The following SERP2 variants were observed in gnomAD, a reference collection of about 807,000 sequenced individuals.
The protein encoded by SERP2 is stress-associated endoplasmic reticulum protein 2.
SERP2 carries 6 observed loss-of-function variants against 9.1 expected under a neutral mutation model. The observed-to-expected ratio is 0.66, with a 90% CI of 0.36 to 1.30. The LOEUF is 1.30. SERP2 is among the 50% of genes most tolerant of loss of function. SERP2 has a pLI of 0.03. For missense variants in SERP2, 58 were observed against 81.9 expected, an observed-to-expected ratio of 0.71 and a Z score of 1.13; for synonymous variants, 37 against 27.3, an observed-to-expected ratio of 1.35 and a Z score of -1.10.
In SERP2 at chr13:44,397,368, A is replaced by G; in HGVS notation, c.*56A>G. 1 of 1,373,792 alleles carries G rather than the reference A, an allele frequency of 7.3e-7. No homozygotes were observed. Among genetic ancestry groups the G allele is most frequent in the South Asian group, 1.2e-5 (1 of 86,414 alleles). 85.1% of individuals were successfully genotyped at this position (1,373,792 alleles called of 1,614,324 possible). Reference sequence around the variant, plus strand: ...CCACTGGAGGCGGGAGGACAACGGAAGCGGTCAGCCAGTTTCTGCGGGAAA... The same window carrying G: ...CCACTGGAGGCGGGAGGACAACGGAGGCGGTCAGCCAGTTTCTGCGGGAAA... On this transcript the variant is annotated 3_prime_UTR_variant, in exon 3 of 3. Transcript: ENST00000379179.
intron 2 of SERP2, among the ~76,000 whole-genome samples, chr13:44,381,989 A>AGAAT (rs1555258855): frequency 6.8e-6 from 1 of 147,592 alleles, no homozygotes; most frequent in Non-Finnish European, 1.5e-5. Flanking sequence ...GTTAGTGCTT[A>AGAAT]GGATGGATGG....
At chr13:44,374,256 G>A in intron 1 of SERP2, 147 bp downstream of exon 1, 1 of 529,762 alleles carries the variant, frequency 1.9e-6, no homozygotes, top group East Asian at 3.8e-5. Context: ...GCAGAGTGGG[G>A]GCTGAGAGCT....
At chr13:44,391,662 G>A (rs1473892551) in intron 2 of SERP2, among the ~76,000 whole-genome samples, 1 of 152,144 alleles carries the variant, frequency 6.6e-6, no homozygotes, top group Non-Finnish European at 1.5e-5. Context: ...CCCTGGACCG[G>A]CATCTCAACA....
Position 44,376,815 on chromosome 13 carries a change from G to T in SERP2, c.84+2706G>T, listed in dbSNP as rs2038849. 5.7e-3 allele frequency among the ~76,000 whole-genome samples: 865 copies of T among 152,186 alleles called. 22 individuals carry two copies. Among genetic ancestry groups the T allele is most frequent in the Admixed American group, 0.036 (543 of 15,286 alleles). ...CAGAGAAATGGAATAATCATTTTGT[G>T]ATTATACAGTAGTAACTTCTCCAGA... On this transcript the variant is annotated intron_variant, in intron 1 of 2. Coordinates refer to ENST00000379179, the MANE Select transcript of SERP2 (RefSeq NM_001010897.3).
At position 44,382,151 on chromosome 13, in the gene SERP2, A is replaced by T. The variant is rs1219953596; in HGVS notation, c.157+2438A>T. 2.0e-5 allele frequency among the ~76,000 whole-genome samples: 3 copies of T among 151,936 alleles called. No individual in the cohort carries two copies. In the East Asian group the frequency reaches 5.8e-4, roughly 29 times the overall value. ...AAGAAGAACGATTACTTCTATTAAA[A>T]TTTTAGGCTGGGCGCGGTGGCTCAC... On this transcript the variant is annotated intron_variant, in intron 2 of 2. Coordinates refer to ENST00000379179, the MANE Select transcript of SERP2 (RefSeq NM_001010897.3).
intron 1 of SERP2, among the ~76,000 whole-genome samples, chr13:44,378,474 G>T (rs1334384105): frequency 6.6e-6 from 1 of 152,116 alleles, no homozygotes; most frequent in African/African-American, 2.4e-5. Context: ...TGAATACAAT[G>T]TTTAAATGTC....
intron 2 of SERP2, among the ~76,000 whole-genome samples, chr13:44,382,371 A>G (rs1195348289): frequency 7.3e-6 from 1 of 136,522 alleles, no homozygotes; most frequent in Non-Finnish European, 1.5e-5. Context: ...AGGGAGGTGG[A>G]GCTTGCAGTG....
Position 44,373,936 on chromosome 13 carries a change from G to C in SERP2, c.-90G>C, listed in dbSNP as rs1191412600. The C allele has an allele frequency of 3.2e-6, 4 of 1,251,124 alleles. No homozygotes were observed. In the African/African-American group the frequency reaches 6.3e-5, roughly 20 times the overall value. 77.5% of individuals were successfully genotyped at this position (1,251,124 alleles called of 1,614,324 possible). Reference sequence around the variant, plus strand: ...CACCTGCAGCGCCCGGGTGGGCCGCGGGGGCCTCGGCGGGACGCGCTCGGC... The same window carrying C: ...CACCTGCAGCGCCCGGGTGGGCCGCCGGGGCCTCGGCGGGACGCGCTCGGC... On this transcript the variant is annotated 5_prime_UTR_variant, in exon 1 of 3. Transcript: ENST00000379179. This position sits in a 1 kb window ranked among gnomAD's most constrained non-coding sequence, Gnocchi z 4.8.
intron 2 of SERP2, among the ~76,000 whole-genome samples, chr13:44,384,307 C>A (rs1468916009): frequency 6.6e-6 from 1 of 152,170 alleles, no homozygotes; most frequent in Non-Finnish European, 1.5e-5. Flanking sequence ...TAGAGTTTAT[C>A]CTGTTTTAGG....
At chr13:44,388,833 T>A (rs1872474706) in intron 2 of SERP2, among the ~76,000 whole-genome samples, 1 of 152,202 alleles carries the variant, frequency 6.6e-6, no homozygotes, top group Non-Finnish European at 1.5e-5. Flanking sequence ...GGTCTCTCCC[T>A]GTATGAATGT....
In SERP2 at chr13:44,397,142, A is replaced by G; in HGVS notation, c.158-130A>G. On this transcript the variant is annotated intron_variant, in intron 2 of 2. Coordinates refer to ENST00000379179, the MANE Select transcript of SERP2 (RefSeq NM_001010897.3). Reference sequence around the variant, plus strand: ...CCTCTTGTTAACTTAACTCCTTGTTAGGAAATATCTAATCAGCTGTGAGCT... The same window carrying G: ...CCTCTTGTTAACTTAACTCCTTGTTGGGAAATATCTAATCAGCTGTGAGCT... 7 of 724,970 alleles carry G rather than the reference A, an allele frequency of 9.7e-6. No homozygotes were observed. The South Asian group carries it at 1.1e-4, about 12-fold the overall frequency. 44.9% of individuals were successfully genotyped at this position (724,970 alleles called of 1,614,324 possible).
At position 44,383,543 on chromosome 13, in the gene SERP2, C is replaced by T. The variant is rs9567423; in HGVS notation, c.157+3830C>T. Among the ~76,000 whole-genome samples the T allele has an allele frequency of 3.0e-4, 8 of 26,356 alleles. 1 individual carries two copies. The highest frequency in any genetic ancestry group is 3.2e-4 in the Non-Finnish European group (3 of 9,408). 17.3% of individuals were successfully genotyped at this position (26,356 alleles called of 152,430 possible). ...TTAGCTCCACCTCTCTGGAGGTTTG[C>T]GTTTTTTTTGTTTTTTTTTTTTTGA... On this transcript the variant is annotated intron_variant, in intron 2 of 2. Transcript: ENST00000379179.
chr13:44,390,435 C>T (rs1037428242), intron 2 of SERP2: 3 of 456,648 alleles, frequency 6.6e-6, no homozygotes, highest in Non-Finnish European at 4.4e-6. Flanking sequence ...AGTCACCCCA[C>T]CCCCAAGACC....
intron 1 of SERP2, among the ~76,000 whole-genome samples, chr13:44,377,559 A>G (rs1871730025): frequency 6.6e-6 from 1 of 152,238 alleles, no homozygotes; most frequent in Admixed American, 6.5e-5. Context: ...TCTGATTAAG[A>G]GCAGCCACCG....
At chr13:44,393,063 G>A (rs890897544) in intron 2 of SERP2, among the ~76,000 whole-genome samples, 8 of 152,060 alleles carry the variant, frequency 5.3e-5, no homozygotes, top group Admixed American at 1.3e-4. Context: ...AGTGCCCAGC[G>A]GGGGTGAGCA....
At chr13:44,374,879 T>C (rs1871554289) in intron 1 of SERP2, among the ~76,000 whole-genome samples, 1 of 152,198 alleles carries the variant, frequency 6.6e-6, no homozygotes. Flanking sequence ...ATGGTATAAC[T>C]TTAGAGACCA....
chr13:44,374,032 G>A lies in SERP2; in HGVS notation c.7G>A (p.Ala3Thr). ...ATTTCAGAGCGCACAAGCCATGGTGGCCAAACAGCGGATCCGGATGGCTAA... is the reference window on the plus strand; with the variant it reads ...ATTTCAGAGCGCACAAGCCATGGTGACCAAACAGCGGATCCGGATGGCTAA... MVAKQRIRMANEK... is the reference protein window; with the variant it reads MVTKQRIRMANEK... Residue 3 changes from alanine to threonine, a missense_variant, in exon 1 of 3, where the codon GCC becomes ACC. Coordinates refer to ENST00000379179, the MANE Select transcript of SERP2 (RefSeq NM_001010897.3). 2 of 1,594,714 alleles carry A rather than the reference G, an allele frequency of 1.3e-6. No individual in the cohort carries two copies. The highest frequency in any genetic ancestry group is 1.7e-6 in the Non-Finnish European group (2 of 1,170,958).
chr13:44,383,261 T>C (rs1297452329), intron 2 of SERP2, among the ~76,000 whole-genome samples: 1 of 152,174 alleles, frequency 6.6e-6, no homozygotes, highest in African/African-American at 2.4e-5. Context: ...TCTGCCCCCT[T>C]AGGCAGCCTA....
At chr13:44,386,742 G>C (rs775527399) in intron 2 of SERP2, among the ~76,000 whole-genome samples, 9 of 152,186 alleles carry the variant, frequency 5.9e-5, no homozygotes, top group Non-Finnish European at 1.3e-4. Flanking sequence ...ATCAATACCT[G>C]TTATGGGTCT....
Sources: gnomAD v4.1 joint callset for allele counts (sites outside exome capture counted in the v4.1 genomes callset) on GRCh38, gnomAD v4.1.1 for gene constraint, Gnocchi (gnomAD v3.1) non-coding constraint, MANE v1.5 for transcripts, NCBI Gene and HGNC (gene_info 2026-07-23, HGNC 2026-07-21) for gene names.